CLEC11A: variants seen among roughly 807,000 people sequenced by gnomAD.
CLEC11A encodes C-type lectin domain containing 11A.
A neutral mutation model predicts 33.9 loss-of-function variants in CLEC11A; 35 were observed. The ratio of observed to expected loss-of-function variants is 1.03; its 90% CI spans 0.79 to 1.37. The LOEUF is 1.37. Among genes scored for constraint, CLEC11A ranks in the 40% most tolerant of loss-of-function variants. The probability of loss-of-function intolerance (pLI) is 0.00; values close to 1 mark genes in which losing one functional copy is unlikely to be tolerated. For missense variants in CLEC11A, 519 were observed against 455.5 expected, an observed-to-expected ratio of 1.14 and a Z score of -1.27; for synonymous variants, 220 against 202.2, an observed-to-expected ratio of 1.09 and a Z score of -0.75.
Position 50,724,114 on chromosome 19 carries a change from C to A in CLEC11A, c.334+23C>A. On this transcript the variant is annotated intron_variant, in intron 2 of 3. Transcript: ENST00000250340. This position sits in a 1 kb window ranked among gnomAD's most constrained non-coding sequence, Gnocchi z 4.1. ...TCCGTGAGTAACCAGAAGCCCTCAC[C>A]CCCAAACTCCTAGGCCGCCGCGGTC... 1.2e-6 allele frequency: 2 copies of A among 1,609,184 alleles called. No homozygotes were observed. The highest frequency in any genetic ancestry group is 1.7e-6 in the Non-Finnish European group (2 of 1,178,616).
In CLEC11A at chr19:50,723,781, G is replaced by A. The variant is rs1442963167; in HGVS notation, c.147+109G>A. ...GAGGAGCGATTGGGATAGTCTCAGA[G>A]GAGTGGGAGGGTGATGGGCTCAGAG... On this transcript the variant is annotated intron_variant, in intron 1 of 3. Coordinates refer to ENST00000250340, the MANE Select transcript of CLEC11A (RefSeq NM_002975.3). This position sits in a 1 kb window ranked among gnomAD's most constrained non-coding sequence, Gnocchi z 4.1. 3.3e-6 allele frequency: 5 copies of A among 1,530,584 alleles called. No homozygotes were observed. The highest frequency in any genetic ancestry group is 3.5e-6 in the Non-Finnish European group (4 of 1,141,360). 94.8% of individuals were successfully genotyped at this position (1,530,584 alleles called of 1,614,324 possible).
rs764037281 is a variant in CLEC11A at position 50,725,464 on chromosome 19, C to T, written c.969C>T (p.Phe323=). Residue 323 remains phenylalanine, a synonymous_variant, in exon 4 of 4, where the codon TTC becomes TTT. Coordinates refer to ENST00000250340, the MANE Select transcript of CLEC11A (RefSeq NM_002975.3). ...RRLYYVCEFP[F] ...TCTACTACGTCTGCGAGTTCCCCTT[C>T]TAGCGGGGCCGGTACCCCGCCTCCC... 6 of 1,592,020 alleles carry T rather than the reference C, an allele frequency of 3.8e-6. No individual in the cohort carries two copies. Among genetic ancestry groups the T allele is most frequent in the Middle Eastern group, 1.7e-4 (1 of 6,006 alleles).
chr19:50,725,118 G>T lies in CLEC11A; in HGVS notation c.623G>T (p.Gly208Val). 3.2e-6 allele frequency: 5 copies of T among 1,541,468 alleles called. No homozygotes were observed. Among genetic ancestry groups the T allele is most frequent in the Non-Finnish European group, 4.4e-6 (5 of 1,144,532 alleles). Reference protein sequence around the residue: ...AAAQARCTARGGSLAQPADRQ... With the variant: ...AAAQARCTARVGSLAQPADRQ... ...GCGCAGGCGCGGTGCACGGCGCGGG[G>T]CGGGAGCCTGGCGCAGCCGGCAGAC... The change falls in exon 4 of 4, where the codon GGC becomes GTC. Residue 208 changes from glycine (G) to valine (V), a missense_variant. By Grantham distance (109) the Gly-to-Val change is moderately radical. Transcript: ENST00000250340.
Position 50,724,303 on chromosome 19 carries a change from C to G in CLEC11A, c.335-107C>G. 2 of 1,165,374 alleles carry G rather than the reference C, an allele frequency of 1.7e-6. No individual in the cohort carries two copies. The highest frequency in any genetic ancestry group is 3.3e-5 in the South Asian group (2 of 61,330). The allele number at this position is 1,165,374 out of a possible 1,614,324, so 72.2% of individuals were successfully genotyped here. A position where few individuals can be genotyped will look rare whatever the true frequency, so the allele number is the denominator to read the frequency against. The stretch of plus-strand genomic sequence containing the variant: ...TTCCAGGAGTCCGGGGTGCCCCCCC[C>G]ACCGCCACCCCGCCCTCAGGAGCCC... On this transcript the variant is annotated intron_variant, in intron 2 of 3. Transcript: ENST00000250340. This position sits in a 1 kb window ranked among gnomAD's most constrained non-coding sequence, Gnocchi z 4.1.
chr19:50,725,341 G>T lies in CLEC11A; in HGVS notation c.846G>T (p.Pro282=), dbSNP rs372270047. 3 of 1,611,774 alleles carry T rather than the reference G, an allele frequency of 1.9e-6. No individual in the cohort carries two copies. The highest frequency in any genetic ancestry group is 2.5e-6 in the Non-Finnish European group (3 of 1,179,370). The change falls in exon 4 of 4, where the codon CCG becomes CCT. Residue 282 remains proline, a synonymous_variant. Coordinates refer to ENST00000250340, the MANE Select transcript of CLEC11A (RefSeq NM_002975.3). ...LGAQPSASPH[P]LSPDQPNGGT... ...CCCAGCCCAGCGCCTCGCCGCATCC[G>T]CTCAGCCCGGACCAGCCCAACGGTG...
Position 50,725,327 on chromosome 19 carries a change from G to A in CLEC11A, c.832G>A (p.Ala278Thr). 2 of 1,611,930 alleles carry A rather than the reference G, an allele frequency of 1.2e-6. No homozygotes were observed. Among genetic ancestry groups the A allele is most frequent in the Non-Finnish European group, 1.7e-6 (2 of 1,179,388 alleles). Reference sequence around the variant, plus strand: ...CCCCGAGCTCGGCGCCCAGCCCAGCGCCTCGCCGCATCCGCTCAGCCCGGA... The same window carrying A: ...CCCCGAGCTCGGCGCCCAGCCCAGCACCTCGCCGCATCCGCTCAGCCCGGA... ...PRPELGAQPS[A>T]SPHPLSPDQP... Residue 278 changes from alanine (A) to threonine (T), a missense_variant, in exon 4 of 4, where the codon GCC (alanine) becomes ACC (threonine). By Grantham distance (58) the Ala-to-Thr change is moderately conservative (BLOSUM62 0). Coordinates refer to ENST00000250340, the MANE Select transcript of CLEC11A (RefSeq NM_002975.3).
rs766188693 is a variant in CLEC11A at position 50,724,030 on chromosome 19, G to A, written c.273G>A (p.Thr91=). 3 of 1,611,476 alleles carry A rather than the reference G, an allele frequency of 1.9e-6. No homozygotes were observed. The highest frequency in any genetic ancestry group is 2.5e-6 in the Non-Finnish European group (3 of 1,177,792). Residue 91 remains threonine (T), a synonymous_variant, in exon 2 of 4, where the codon ACG becomes ACA. Transcript: ENST00000250340. This position sits in a 1 kb window ranked among gnomAD's most constrained non-coding sequence, Gnocchi z 4.1. ...GGGAGGAAGAGGAGGAGGAAGCAACGCCAACCCCATCCTCCGGCCCCAGCC... is the reference window on the plus strand; with the variant it reads ...GGGAGGAAGAGGAGGAGGAAGCAACACCAACCCCATCCTCCGGCCCCAGCC... The part of the protein sequence containing the change: ...DQGEEEEEEA[T]PTPSSGPSPS...
At position 50,723,667 on chromosome 19, in the gene CLEC11A, C is replaced by T. The variant is rs1200183298; in HGVS notation, c.142C>T (p.Leu48=). 2.5e-6 allele frequency: 4 copies of T among 1,583,188 alleles called. No homozygotes were observed. The Admixed American group carries it at 7.0e-5, about 28-fold the overall frequency. The change falls in exon 1 of 4, where the codon CTG becomes TTG. Residue 48 remains leucine (L), a synonymous_variant. Transcript: ENST00000250340. This position sits in a 1 kb window ranked among gnomAD's most constrained non-coding sequence, Gnocchi z 4.1. ...EEEREREALM[L]KHLQEALGLP... ...GGAGCGGGAGAGGGAGGCCCTGATGCTGAAGGTGAGCTCTGGAGTGTCAGG... is the reference window on the plus strand; with the variant it reads ...GGAGCGGGAGAGGGAGGCCCTGATGTTGAAGGTGAGCTCTGGAGTGTCAGG...
Position 50,724,204 on chromosome 19 carries a change from C to A in CLEC11A, c.334+113C>A. The A allele has an allele frequency of 6.5e-7, 1 of 1,534,696 alleles. No individual in the cohort carries two copies. Among genetic ancestry groups the A allele is most frequent in the Non-Finnish European group, 8.8e-7 (1 of 1,131,832 alleles). On this transcript the variant is annotated intron_variant, in intron 2 of 3. Transcript: ENST00000250340. The surrounding 1 kb of genome is among the most constrained non-coding windows in gnomAD (Gnocchi z 4.1). ...CCTTTCAGTTGTCCATTGCCCAGCC[C>A]AGAGCCCCCACACCCCTAGGAGCCC...
chr19:50,724,351 T>C lies in CLEC11A; in HGVS notation c.335-59T>C. ...CCCTAGATCCCAGTTCTCCAGGTCC[T>C]CAGGCCCCCCGCTGCATCTCCAGGC... On this transcript the variant is annotated intron_variant, in intron 2 of 3. Transcript: ENST00000250340. This position sits in a 1 kb window ranked among gnomAD's most constrained non-coding sequence, Gnocchi z 4.1. 2.4e-6 allele frequency: 3 copies of C among 1,231,106 alleles called. No individual in the cohort carries two copies. The highest frequency in any genetic ancestry group is 3.3e-5 in the East Asian group (1 of 29,896). The allele number at this position is 1,231,106 out of a possible 1,614,324, so 76.3% of individuals were successfully genotyped here.
chr19:50,723,439 C>A lies in CLEC11A; in HGVS notation c.-87C>A. On this transcript the variant is annotated 5_prime_UTR_variant, in exon 1 of 4. Coordinates refer to ENST00000250340, the MANE Select transcript of CLEC11A (RefSeq NM_002975.3). The surrounding 1 kb of genome is among the most constrained non-coding windows in gnomAD (Gnocchi z 4.1). ...GGGGGCTAGTGACCTGCACACAGGG[C>A]AGGGGCACTCGGCAGTTCCCAGAGG... 7.0e-7 allele frequency: 1 copy of A among 1,431,438 alleles called. No individual in the cohort carries two copies. The highest frequency in any genetic ancestry group is 9.8e-7 in the Non-Finnish European group (1 of 1,022,194). The allele number at this position is 1,431,438 out of a possible 1,614,324, so 88.7% of individuals were successfully genotyped here.
In CLEC11A at chr19:50,724,291, G is replaced by C; in HGVS notation, c.335-119G>C. Reference sequence around the variant, plus strand: ...CTCGACCCTACCTTCCAGGAGTCCGGGGTGCCCCCCCCACCGCCACCCCGC... The same window carrying C: ...CTCGACCCTACCTTCCAGGAGTCCGCGGTGCCCCCCCCACCGCCACCCCGC... On this transcript the variant is annotated intron_variant, in intron 2 of 3. Transcript: ENST00000250340. This position sits in a 1 kb window ranked among gnomAD's most constrained non-coding sequence, Gnocchi z 4.1. The C allele has an allele frequency of 8.2e-7, 1 of 1,222,884 alleles. No individual in the cohort carries two copies. Among genetic ancestry groups the C allele is most frequent in the Non-Finnish European group, 1.1e-6 (1 of 907,216 alleles). The allele number at this position is 1,222,884 out of a possible 1,614,324, so 75.8% of individuals were successfully genotyped here.
chr19:50,725,440 C>G lies in CLEC11A; in HGVS notation c.945C>G (p.Leu315=). ...SWWDHDCQRR[L]YYVCEFPF is the part of the protein sequence containing the mutation. ...GGGACCACGACTGCCAGCGGCGTCT[C>G]TACTACGTCTGCGAGTTCCCCTTCT... The change falls in exon 4 of 4, where the codon CTC becomes CTG. Residue 315 remains leucine, a synonymous_variant. Coordinates refer to ENST00000250340, the MANE Select transcript of CLEC11A (RefSeq NM_002975.3). 6.2e-7 allele frequency: 1 copy of G among 1,604,348 alleles called. No homozygotes were observed. Among genetic ancestry groups the G allele is most frequent in the East Asian group, 2.2e-5 (1 of 44,578 alleles).
At position 50,725,324 on chromosome 19, in the gene CLEC11A, A is replaced by G. The variant is rs1296501841; in HGVS notation, c.829A>G (p.Ser277Gly). The change falls in exon 4 of 4, where the codon AGC (serine) becomes GGC (glycine). Residue 277 changes from serine (S) to glycine (G), a missense_variant. Coordinates refer to ENST00000250340, the MANE Select transcript of CLEC11A (RefSeq NM_002975.3). ...CCGCCCCGAGCTCGGCGCCCAGCCC[A>G]GCGCCTCGCCGCATCCGCTCAGCCC... ...SPRPELGAQPSASPHPLSPDQ... is the reference protein window; with the variant it reads ...SPRPELGAQPGASPHPLSPDQ... The G allele has an allele frequency of 6.2e-6, 10 of 1,610,206 alleles. No individual in the cohort carries two copies. The highest frequency in any genetic ancestry group is 7.6e-6 in the Non-Finnish European group (9 of 1,178,684).
At position 50,724,564 on chromosome 19, in the gene CLEC11A, G is replaced by A. The variant is rs766926379; in HGVS notation, c.489G>A (p.Ala163=). The A allele has an allele frequency of 1.4e-6, 2 of 1,461,262 alleles. No individual in the cohort carries two copies. The highest frequency in any genetic ancestry group is 1.8e-6 in the Non-Finnish European group (2 of 1,112,046). 90.5% of individuals were successfully genotyped at this position (1,461,262 alleles called of 1,614,324 possible). The change falls in exon 3 of 4, where the codon GCG becomes GCA. Residue 163 remains alanine, a synonymous_variant. Transcript: ENST00000250340. The surrounding 1 kb of genome is among the most constrained non-coding windows in gnomAD (Gnocchi z 4.1). Reference sequence around the variant, plus strand: ...ATGCCGTGCAAGCCCTGCAGGAGGCGCAGGGTCGCGCCGAGCGCGAGCACG... The same window carrying A: ...ATGCCGTGCAAGCCCTGCAGGAGGCACAGGGTCGCGCCGAGCGCGAGCACG... ...TRDAVQALQE[A]QGRAEREHGR... is the part of the protein sequence containing the mutation.
At position 50,723,692 on chromosome 19, in the gene CLEC11A, G is replaced by C; in HGVS notation, c.147+20G>C. 2 of 1,559,236 alleles carry C rather than the reference G, an allele frequency of 1.3e-6. No homozygotes were observed. Among genetic ancestry groups the C allele is most frequent in the Non-Finnish European group, 8.7e-7 (1 of 1,154,988 alleles). On this transcript the variant is annotated intron_variant, in intron 1 of 3. Transcript: ENST00000250340. This position sits in a 1 kb window ranked among gnomAD's most constrained non-coding sequence, Gnocchi z 4.1. ...CTGAAGGTGAGCTCTGGAGTGTCAG[G>C]GAGCTATGGGTGGTGAACTGTGGGT...
chr19:50,725,134 G>A lies in CLEC11A; in HGVS notation c.639G>A (p.Gln213=), dbSNP rs984419650. 2 of 1,548,252 alleles carry A rather than the reference G, an allele frequency of 1.3e-6. No homozygotes were observed. The highest frequency in any genetic ancestry group is 1.4e-5 in the African/African-American group (1 of 72,806). The stretch of plus-strand genomic sequence containing the variant: ...CGGCGCGGGGCGGGAGCCTGGCGCA[G>A]CCGGCAGACCGCCAGCAGATGGAGG... ...RCTARGGSLA[Q]PADRQQMEAL... is the part of the protein sequence containing the mutation. Residue 213 remains glutamine (Q), a synonymous_variant, in exon 4 of 4, where the codon CAG becomes CAA. Coordinates refer to ENST00000250340, the MANE Select transcript of CLEC11A (RefSeq NM_002975.3).
chr19:50,724,343 C>G lies in CLEC11A; in HGVS notation c.335-67C>G, dbSNP rs982171774. 7.2e-6 allele frequency: 9 copies of G among 1,241,898 alleles called. No homozygotes were observed. The African/African-American group carries it at 1.2e-4, about 17-fold the overall frequency. The allele number at this position is 1,241,898 out of a possible 1,614,324, so 76.9% of individuals were successfully genotyped here. ...CTCAGGAGCCCTAGATCCCAGTTCTCCAGGTCCTCAGGCCCCCCGCTGCAT... is the reference window on the plus strand; with the variant it reads ...CTCAGGAGCCCTAGATCCCAGTTCTGCAGGTCCTCAGGCCCCCCGCTGCAT... On this transcript the variant is annotated intron_variant, in intron 2 of 3. Transcript: ENST00000250340. The surrounding 1 kb of genome is among the most constrained non-coding windows in gnomAD (Gnocchi z 4.1).
chr19:50,724,943 C>T lies in CLEC11A; in HGVS notation c.527-79C>T. On this transcript the variant is annotated intron_variant, in intron 3 of 3. Coordinates refer to ENST00000250340, the MANE Select transcript of CLEC11A (RefSeq NM_002975.3). The surrounding 1 kb of genome is among the most constrained non-coding windows in gnomAD (Gnocchi z 4.1). ...GTTCCTGGCCCCGCCTCCCTCCACC[C>T]CCGGATGTTTTGTCCTCGCCCCCTT... 7.1e-6 allele frequency: 10 copies of T among 1,417,916 alleles called. No homozygotes were observed. The highest frequency in any genetic ancestry group is 9.2e-6 in the Non-Finnish European group (10 of 1,088,206). 87.8% of individuals were successfully genotyped at this position (1,417,916 alleles called of 1,614,324 possible). A position where few individuals can be genotyped will look rare whatever the true frequency, so the allele number is the denominator to read the frequency against.
Sources: gnomAD v4.1 joint callset for allele counts on GRCh38, gnomAD v4.1.1 for gene constraint, Gnocchi (gnomAD v3.1) non-coding constraint, MANE v1.5 for transcripts, NCBI Gene and HGNC (gene_info 2026-07-23, HGNC 2026-07-21) for gene names.